Variants in IMMP2L observed in about 807,000 individuals in gnomAD.
The protein encoded by IMMP2L is inner mitochondrial membrane peptidase subunit 2, also known as mitochondrial inner membrane protease subunit 2.
A neutral mutation model predicts 19.3 loss-of-function variants in IMMP2L; 18 were observed. The ratio of observed to expected loss-of-function variants is 0.93; its 90% CI spans 0.64 to 1.38. The LOEUF is 1.38. IMMP2L is among the 40% of genes most tolerant of loss of function. The pLI, the probability that IMMP2L is intolerant of heterozygous loss-of-function variation, is 0.00. For synonymous variants in IMMP2L, 76 were observed against 73.0 expected (o/e 1.04, Z -0.21); for missense variants, 233 against 218.2 (o/e 1.07, Z -0.43).
At chr7:110,828,110 T>G (rs914222361) in intron 5 of IMMP2L, among the ~76,000 whole-genome samples, 1 of 152,134 alleles carries the variant, frequency 6.6e-6, no homozygotes, top group Non-Finnish European at 1.5e-5. Context: ...ATTTTTTATG[T>G]AAATGACCAG....
chr7:111,409,652 G>A (rs1231854666), intron 3 of IMMP2L, among the ~76,000 whole-genome samples: 1 of 151,598 alleles, frequency 6.6e-6, no homozygotes, highest in Non-Finnish European at 1.5e-5. Context: ...AAAACATACA[G>A]TAACATAAAG....
intron 3 of IMMP2L, among the ~76,000 whole-genome samples, chr7:111,162,447 C>A (rs1201986135): frequency 2.6e-5 from 4 of 151,882 alleles, no homozygotes; most frequent in Non-Finnish European, 1.5e-5. Context: ...TTTTAAATGA[C>A]AATAAGTATA....
chr7:110,763,741 A>C (rs1447528738), intron 5 of IMMP2L, among the ~76,000 whole-genome samples: 1 of 152,168 alleles, frequency 6.6e-6, no homozygotes, highest in East Asian at 1.9e-4. Flanking sequence ...ATTTCAAATA[A>C]GGGCCATTTT....
intron 3 of IMMP2L, among the ~76,000 whole-genome samples, chr7:111,304,138 G>C (rs1822571776): frequency 2.0e-5 from 3 of 152,074 alleles, no homozygotes; most frequent in Admixed American, 2.0e-4. Flanking sequence ...CTTCCTAAAA[G>C]GATTTAATGG....
At position 110,663,272 on chromosome 7, in the gene IMMP2L, A is replaced by C. The variant is rs1791202286; in HGVS notation, c.*330T>G. The C allele has an allele frequency of 5.2e-6, 1 of 190,570 alleles. No individual in the cohort carries two copies. The highest frequency in any genetic ancestry group is 1.1e-5 in the Non-Finnish European group (1 of 91,898). 11.8% of individuals were successfully genotyped at this position (190,570 alleles called of 1,614,324 possible). On this transcript the variant is annotated 3_prime_UTR_variant, in exon 6 of 6. Transcript: ENST00000405709. ...GCAAGCACCAAAATCAAAACCCAAC[A>C]ATCAATATAATAAGTATATGTAACA...
At chr7:110,985,007 G>A (rs1821711129) in intron 3 of IMMP2L, among the ~76,000 whole-genome samples, 1 of 151,996 alleles carries the variant, frequency 6.6e-6, no homozygotes, top group South Asian at 2.1e-4. Context: ...AGAAAAAAAA[G>A]AGTCAGAGAA....
intron 3 of IMMP2L, among the ~76,000 whole-genome samples, chr7:111,099,458 T>G (rs1309689042): frequency 1.3e-5 from 2 of 151,770 alleles, no homozygotes; most frequent in African/African-American, 2.4e-5. Flanking sequence ...AAACTGAGGA[T>G]GCTGAGCCAA....
chr7:111,456,192 TAAG>T (rs1482222301), intron 3 of IMMP2L, among the ~76,000 whole-genome samples: 1 of 151,960 alleles, frequency 6.6e-6, no homozygotes, highest in Non-Finnish European at 1.5e-5. Flanking sequence ...TTGACTGAAC[TAAG>T]GTTATTCAAT....
At chr7:111,491,223 A>G (rs376453013) in intron 2 of IMMP2L, among the ~76,000 whole-genome samples, 9 of 152,262 alleles carry the variant, frequency 5.9e-5, no homozygotes, top group African/African-American at 2.2e-4. Context: ...TACATATAGC[A>G]TATAAAAATA....
chr7:110,964,503 A>C (rs1819329034), intron 3 of IMMP2L, among the ~76,000 whole-genome samples: 1 of 152,038 alleles, frequency 6.6e-6, no homozygotes, highest in Admixed American at 6.6e-5. Context: ...AGTTAAAATA[A>C]ATTGACAGGT....
chr7:111,164,119 GA>G (rs1398740426), intron 3 of IMMP2L, among the ~76,000 whole-genome samples: 1 of 140,424 alleles, frequency 7.1e-6, no homozygotes, highest in Non-Finnish European at 1.6e-5. Context: ...GAAGGGGAGG[GA>G]GGGGAGGGAG....
intron 1 of IMMP2L, among the ~76,000 whole-genome samples, chr7:111,544,895 A>G (rs754753774): frequency 1.3e-5 from 2 of 152,090 alleles, no homozygotes; most frequent in Non-Finnish European, 2.9e-5. Context: ...ATCCCTGAGA[A>G]TGGTTTATAC....
intron 4 of IMMP2L, among the ~76,000 whole-genome samples, chr7:110,906,018 A>C (rs1812416781): frequency 6.6e-6 from 1 of 152,212 alleles, no homozygotes; most frequent in African/African-American, 2.4e-5. Flanking sequence ...TTTACGTTGG[A>C]ATGAAAAAGA....
chr7:110,752,649 C>G (rs898277842), intron 5 of IMMP2L, among the ~76,000 whole-genome samples: 2 of 152,002 alleles, frequency 1.3e-5, no homozygotes, highest in Non-Finnish European at 2.9e-5. Context: ...TACACATCTC[C>G]TACTGCTTCA....
chr7:111,406,040 T>A (rs1833876850), intron 3 of IMMP2L, among the ~76,000 whole-genome samples: 1 of 152,040 alleles, frequency 6.6e-6, no homozygotes, highest in African/African-American at 2.4e-5. Context: ...TCCTGAAAAT[T>A]ACCCAAATTC....
chr7:111,250,889 G>A (rs950406847), intron 3 of IMMP2L, among the ~76,000 whole-genome samples: 1 of 152,140 alleles, frequency 6.6e-6, no homozygotes, highest in South Asian at 2.1e-4. Flanking sequence ...AGCAACAAAA[G>A]CATAAATTGA....
chr7:111,108,236 T>C lies in IMMP2L; in HGVS notation c.240-144671A>G, dbSNP rs192378864. On this transcript the variant is annotated intron_variant, in intron 3 of 5. Coordinates refer to ENST00000405709, the MANE Select transcript of IMMP2L (RefSeq NM_032549.4). Reference sequence around the variant, plus strand: ...CTGCAGCCACATCAAACCAATTTTCTAGAGGACTTTTCTCAGTACTTAACA... The same window carrying C: ...CTGCAGCCACATCAAACCAATTTTCCAGAGGACTTTTCTCAGTACTTAACA... Among the ~76,000 whole-genome samples the C allele has an allele frequency of 5.1e-4, 77 of 152,316 alleles. No individual in the cohort carries two copies. In the South Asian group the frequency reaches 6.4e-3, roughly 13 times the overall value.
chr7:111,076,603 A>G (rs1229370720), intron 3 of IMMP2L, among the ~76,000 whole-genome samples: 3 of 152,188 alleles, frequency 2.0e-5, no homozygotes, highest in Admixed American at 1.3e-4. Context: ...CCCTTTGTCC[A>G]TTAGCCTTCT....
At chr7:111,220,969 G>A (rs1485824816) in intron 3 of IMMP2L, among the ~76,000 whole-genome samples, 6 of 152,044 alleles carry the variant, frequency 3.9e-5, no homozygotes, top group African/African-American at 1.4e-4. Context: ...ACATTGGAAA[G>A]GGCCATTTGC....
Sources: allele counts gnomAD v4.1 joint callset (sites outside exome capture counted in the v4.1 genomes callset), GRCh38; gene constraint gnomAD v4.1.1; transcripts MANE v1.5; gene names NCBI Gene and HGNC (gene_info 2026-07-23, HGNC 2026-07-21).